The following LRP1B variants were observed in gnomAD, a reference collection of about 807,000 sequenced individuals.
LRP1B encodes the protein low-density lipoprotein receptor-related protein 1B.
In LRP1B, 217 loss-of-function variants were observed where a neutral mutation model predicts 556.6. That is an observed-to-expected ratio of 0.39 (90% confidence interval 0.35 to 0.44). LRP1B has a LOEUF of 0.44. Among genes scored for constraint, LRP1B ranks in the 20% least tolerant of loss-of-function variants. The probability of loss-of-function intolerance (pLI) is 1.00; values close to 1 mark genes in which losing one functional copy is unlikely to be tolerated. For missense variants in LRP1B, 5,053 were observed against 5,620.8 expected, an observed-to-expected ratio of 0.90 and a Z score of 3.23; for synonymous variants, 2,047 against 1,865.8, an observed-to-expected ratio of 1.10 and a Z score of -2.50.
intron 1 of LRP1B, among the ~76,000 whole-genome samples, chr2:142,068,903 A>G (rs1374244364): frequency 1.3e-5 from 2 of 151,702 alleles, no homozygotes; most frequent in African/African-American, 4.8e-5. Flanking sequence ...TTATGTGTAG[A>G]AGTTCTAATT....
At chr2:141,512,455 A>T (rs1223694880) in intron 2 of LRP1B, among the ~76,000 whole-genome samples, 1 of 152,026 alleles carries the variant, frequency 6.6e-6, no homozygotes, top group Non-Finnish European at 1.5e-5. Context: ...CTCCAGACTC[A>T]CTGTTCCTTT....
In LRP1B at chr2:141,598,772, T is replaced by A. The variant is rs181665443; in HGVS notation, c.206-118239A>T. On this transcript the variant is annotated intron_variant, in intron 2 of 90. Coordinates refer to ENST00000389484, the MANE Select transcript of LRP1B (RefSeq NM_018557.3). ...TATGGTTGATTGATGGAAATACAGA[T>A]GAAATGAGACTCTGTGCCATACAGG... 4.7e-4 allele frequency among the ~76,000 whole-genome samples: 71 copies of A among 152,182 alleles called. 1 individual carries two copies. Among genetic ancestry groups the A allele is most frequent in the Non-Finnish European group, 8.8e-4 (60 of 67,998 alleles).
intron 2 of LRP1B, among the ~76,000 whole-genome samples, chr2:141,784,897 C>G (rs555795109): frequency 6.6e-6 from 1 of 151,836 alleles, no homozygotes; most frequent in Non-Finnish European, 1.5e-5. Context: ...CTTTGGTTTT[C>G]CTCAAGTCCT....
chr2:140,447,829 C>G (rs1010597427), intron 63 of LRP1B, among the ~76,000 whole-genome samples: 2 of 151,894 alleles, frequency 1.3e-5, no homozygotes, highest in African/African-American at 4.8e-5. Flanking sequence ...ACTTAGAGAC[C>G]ATTGTGGGCT....
intron 1 of LRP1B, among the ~76,000 whole-genome samples, chr2:141,920,949 A>C (rs1436844722): frequency 6.6e-6 from 1 of 152,012 alleles, no homozygotes; most frequent in Non-Finnish European, 1.5e-5. Context: ...GTAAGAATTG[A>C]GAAAATGTGT....
intron 1 of LRP1B, among the ~76,000 whole-genome samples, chr2:141,825,601 A>G (rs976361133): frequency 2.6e-5 from 4 of 152,208 alleles, no homozygotes; most frequent in African/African-American, 9.7e-5. Flanking sequence ...GATGGGGGAC[A>G]GAGGTCTTAG....
intron 37 of LRP1B, among the ~76,000 whole-genome samples, chr2:140,714,465 T>C (rs10177120): frequency 0.43 from 65,138 of 151,856 alleles, 16,236 homozygotes; most frequent in Non-Finnish European, 0.57. Flanking sequence ...TACAATGGAT[T>C]TGAATAAGAA....
intron 1 of LRP1B, among the ~76,000 whole-genome samples, chr2:142,107,617 TC>T (rs201191455): frequency 5.1e-5 from 2 of 39,482 alleles, no homozygotes; most frequent in African/African-American, 1.4e-4. Context: ...CAATAATGTG[TC>T]TTTTGTTTTG....
chr2:141,009,689 T>C (rs1697684860), intron 14 of LRP1B, among the ~76,000 whole-genome samples: 1 of 151,984 alleles, frequency 6.6e-6, no homozygotes, highest in South Asian at 2.1e-4. Flanking sequence ...TCCTGTGTAA[T>C]CTAAAATCTC....
At chr2:140,842,572 C>T (rs180705268) in intron 29 of LRP1B, among the ~76,000 whole-genome samples, 316 of 151,972 alleles carry the variant, frequency 2.1e-3, no homozygotes, top group African/African-American at 7.2e-3. Flanking sequence ...CTTCACATTT[C>T]TTCTTATTTT....
intron 2 of LRP1B, among the ~76,000 whole-genome samples, chr2:141,513,424 C>T (rs1226524310): frequency 5.9e-5 from 9 of 151,636 alleles, no homozygotes; most frequent in Admixed American, 5.9e-4. Context: ...ATATTATGAA[C>T]ATTGACTTGC....
intron 35 of LRP1B, among the ~76,000 whole-genome samples, chr2:140,763,948 A>T (rs1439433522): frequency 6.6e-6 from 1 of 152,164 alleles, no homozygotes; most frequent in Non-Finnish European, 1.5e-5. Flanking sequence ...GAACAAGAAG[A>T]AATTGAAGCA....
chr2:141,257,331 T>C (rs944905622), intron 3 of LRP1B, among the ~76,000 whole-genome samples: 2 of 152,186 alleles, frequency 1.3e-5, no homozygotes, highest in South Asian at 2.1e-4. Context: ...AGTCTCTACC[T>C]TAATGCAGGT....
intron 41 of LRP1B, among the ~76,000 whole-genome samples, chr2:140,657,791 G>A (rs954389512): frequency 6.6e-6 from 1 of 151,580 alleles, no homozygotes; most frequent in Non-Finnish European, 1.5e-5. Flanking sequence ...AAACAAAAGA[G>A]CCTTTATCTC....
At chr2:141,918,448 GA>G (rs1299760491) in intron 1 of LRP1B, among the ~76,000 whole-genome samples, 1 of 152,016 alleles carries the variant, frequency 6.6e-6, no homozygotes, top group Non-Finnish European at 1.5e-5. Context: ...GGTATCGAGT[GA>G]TTTTTTTTCA....
intron 35 of LRP1B, among the ~76,000 whole-genome samples, chr2:140,728,108 T>C (rs532863392): frequency 2.0e-5 from 3 of 152,300 alleles, no homozygotes; most frequent in Admixed American, 1.3e-4. Context: ...TATATGCTTG[T>C]CTAGCTTTTG....
At chr2:140,739,179 A>T (rs1241110382) in intron 35 of LRP1B, among the ~76,000 whole-genome samples, 2 of 152,198 alleles carry the variant, frequency 1.3e-5, no homozygotes, top group African/African-American at 4.8e-5. Context: ...CTTCAAAGGT[A>T]TCTTTTGAGA....
intron 35 of LRP1B, among the ~76,000 whole-genome samples, chr2:140,761,045 A>G (rs1688903641): frequency 1.3e-5 from 2 of 152,238 alleles, no homozygotes; most frequent in Non-Finnish European, 2.9e-5. Context: ...GTGTGAATTT[A>G]AATCCCATCT....
At chr2:141,658,575 T>A (rs1690099711) in intron 2 of LRP1B, among the ~76,000 whole-genome samples, 1 of 152,172 alleles carries the variant, frequency 6.6e-6, no homozygotes, top group Admixed American at 6.5e-5. Flanking sequence ...ATCTTACCTG[T>A]CGGGTGAATG....
Sources: allele counts gnomAD v4.1 joint callset (sites outside exome capture counted in the v4.1 genomes callset), GRCh38; gene constraint gnomAD v4.1.1; transcripts MANE v1.5; gene names NCBI Gene and HGNC (gene_info 2026-07-23, HGNC 2026-07-21).